SPIN1: variants seen among roughly 807,000 people sequenced by gnomAD.
SPIN1 encodes the protein spindlin 1.
Under a neutral mutation model 26.0 loss-of-function variants are expected in SPIN1, and 3 were observed. The observed-to-expected ratio is 0.12, with a 90% CI of 0.05 to 0.30. SPIN1 has a LOEUF of 0.30. Among genes scored for constraint, SPIN1 ranks in the 10% least tolerant of loss-of-function variants. The pLI is 1.00. For synonymous variants in SPIN1, 101 were observed against 116.5 expected, an observed-to-expected ratio of 0.87 and a Z score of 0.86; for missense variants, 126 against 333.4, an observed-to-expected ratio of 0.38 and a Z score of 4.84.
intron 2 of SPIN1, among the ~76,000 whole-genome samples, chr9:88,443,316 G>A (rs1828179066): frequency 6.6e-6 from 1 of 152,048 alleles, no homozygotes; most frequent in Non-Finnish European, 1.5e-5. Flanking sequence ...AAACTCAGAG[G>A]TTCTTTGGTT....
chr9:88,445,739 A>C (rs1444618943), intron 2 of SPIN1, among the ~76,000 whole-genome samples: 1 of 150,962 alleles, frequency 6.6e-6, no homozygotes, highest in Non-Finnish European at 1.5e-5. Flanking sequence ...ATGTTTCACC[A>C]TGTTGGCCAG....
chr9:88,426,107 G>T (rs962459790), intron 1 of SPIN1, among the ~76,000 whole-genome samples: 5 of 152,166 alleles, frequency 3.3e-5, no homozygotes, highest in African/African-American at 1.2e-4. Context: ...ATGTCAGACA[G>T]CAGCTGTATT....
At chr9:88,441,439 G>A (rs1828126980) in intron 2 of SPIN1, among the ~76,000 whole-genome samples, 1 of 147,462 alleles carries the variant, frequency 6.8e-6, no homozygotes, top group South Asian at 2.2e-4. Flanking sequence ...CCATGTGTGT[G>A]TACATACATT....
chr9:88,423,342 C>A (rs1055848396), intron 1 of SPIN1, among the ~76,000 whole-genome samples: 3 of 151,944 alleles, frequency 2.0e-5, no homozygotes, highest in Non-Finnish European at 4.4e-5. Flanking sequence ...TTTTCTTGAT[C>A]TTTGAAGTCA....
intron 2 of SPIN1, among the ~76,000 whole-genome samples, chr9:88,435,537 G>A (rs969115704): frequency 3.9e-5 from 6 of 152,140 alleles, no homozygotes; most frequent in Non-Finnish European, 7.4e-5. Flanking sequence ...GACATATGTT[G>A]TCAAATATGT....
chr9:88,404,485 A>G (rs1019497996), intron 1 of SPIN1, among the ~76,000 whole-genome samples: 4 of 152,058 alleles, frequency 2.6e-5, no homozygotes, highest in Admixed American at 6.6e-5. Flanking sequence ...AAATTTCTTG[A>G]CTCTTATAGT....
chr9:88,388,958 G>A (rs1307468630), intron 1 of SPIN1, among the ~76,000 whole-genome samples: 2 of 150,220 alleles, frequency 1.3e-5, no homozygotes, highest in Non-Finnish European at 3.0e-5. Context: ...GCGCCAGAAT[G>A]CAGGCGGGGA....
At chr9:88,431,264 T>G (rs1252607115) in intron 2 of SPIN1, among the ~76,000 whole-genome samples, 3 of 151,834 alleles carry the variant, frequency 2.0e-5, no homozygotes, top group African/African-American at 7.3e-5. Flanking sequence ...TACTCAAATT[T>G]AACAAATATT....
chr9:88,462,741 A>G lies in SPIN1; in HGVS notation c.347A>G (p.Asp116Gly), dbSNP rs1261892597. ...GTTTCTGCGCTTGAAGTCCTCCCTG[A>G]TAGAGTTGGTAAGTTCTTTTTATAA... ...ERVSALEVLP[D>G]RVATSRISDA... The change falls in exon 4 of 6, where the codon GAT (aspartate) becomes GGT (glycine). Residue 116 changes from aspartate to glycine, a missense_variant. Physicochemically the swap from Asp to Gly is moderately conservative, Grantham distance 94 (BLOSUM62 -1). Around this residue, in one of 7 missense-constraint regions of SPIN1, gnomAD observed 23 missense variants for 43.0 expected, o/e 0.54. Transcript: ENST00000375859. The G allele has an allele frequency of 6.2e-7, 1 of 1,609,138 alleles. No homozygotes were observed. The highest frequency in any genetic ancestry group is 1.1e-5 in the South Asian group (1 of 90,276).
chr9:88,434,037 G>A (rs1017678865), intron 2 of SPIN1, among the ~76,000 whole-genome samples: 6 of 152,092 alleles, frequency 3.9e-5, no homozygotes, highest in African/African-American at 1.2e-4. Flanking sequence ...CTCAAGGGGA[G>A]GAGTGAGTCA....
Position 88,473,128 on chromosome 9 carries a change from C to T in SPIN1, c.590-1950C>T, listed in dbSNP as rs1030790906. On this transcript the variant is annotated intron_variant, in intron 5 of 5. Coordinates refer to ENST00000375859, the MANE Select transcript of SPIN1 (RefSeq NM_006717.3). ...AATTTTTGGGCTGGGCATGGTGGCT[C>T]ACGCCTGTAATCCCAGCACTTTGGG... is the stretch of plus-strand genomic sequence containing the variant. 1.3e-5 allele frequency among the ~76,000 whole-genome samples: 2 copies of T among 152,106 alleles called. 1 individual carries two copies. Among genetic ancestry groups the T allele is most frequent in the African/African-American group, 4.8e-5 (2 of 41,404 alleles).
At chr9:88,406,624 G>A (rs912711672) in intron 1 of SPIN1, among the ~76,000 whole-genome samples, 1 of 152,120 alleles carries the variant, frequency 6.6e-6, no homozygotes, top group African/African-American at 2.4e-5. Context: ...AATCTTGTGT[G>A]TTTCTTATGA....
intron 3 of SPIN1, among the ~76,000 whole-genome samples, chr9:88,459,510 CTT>C (rs955457640): frequency 1.3e-5 from 2 of 152,012 alleles, no homozygotes; most frequent in African/African-American, 4.8e-5. Flanking sequence ...TTGTCATCTC[CTT>C]TCTCTCTACA....
intron 1 of SPIN1, among the ~76,000 whole-genome samples, chr9:88,425,265 G>T (rs1436828947): frequency 2.0e-5 from 3 of 152,058 alleles, no homozygotes; most frequent in African/African-American, 7.2e-5. Context: ...AGGCTCTCAG[G>T]GAAAGGTGAG....
intron 2 of SPIN1, among the ~76,000 whole-genome samples, chr9:88,448,311 C>T (rs945018400): frequency 7.9e-5 from 12 of 151,982 alleles, no homozygotes; most frequent in African/African-American, 2.4e-4. Context: ...CCCAAAGTAT[C>T]GGGATTACAG....
chr9:88,448,842 C>T (rs1587806148), intron 2 of SPIN1, 99 bp from the exon 3 acceptor site: 2 of 1,068,040 alleles, frequency 1.9e-6, no homozygotes, highest in Non-Finnish European at 2.8e-6. Flanking sequence ...ATTTTCTTTT[C>T]ATATTCTGTA....
At chr9:88,438,563 A>G (rs948455235) in intron 2 of SPIN1, among the ~76,000 whole-genome samples, 3 of 152,120 alleles carry the variant, frequency 2.0e-5, no homozygotes, top group African/African-American at 4.8e-5. Flanking sequence ...CTATAGATCA[A>G]ATATATAGAT....
intron 2 of SPIN1, among the ~76,000 whole-genome samples, chr9:88,439,029 TC>T (rs1828065506): frequency 6.6e-6 from 1 of 152,092 alleles, no homozygotes. Flanking sequence ...AGGACCCACT[TC>T]CTGGCCCCTC....
intron 2 of SPIN1, among the ~76,000 whole-genome samples, chr9:88,444,237 T>C (rs900577705): frequency 2.7e-5 from 2 of 74,794 alleles, no homozygotes; most frequent in Non-Finnish European, 2.3e-5. Flanking sequence ...CTTGTTCCCA[T>C]TTTTTTTTTT....
Sources: gnomAD v4.1 joint callset for allele counts (sites outside exome capture counted in the v4.1 genomes callset) on GRCh38, gnomAD v4.1.1 for gene constraint, gnomAD v4.1.1 regional missense constraint, MANE v1.5 for transcripts, NCBI Gene and HGNC (gene_info 2026-07-23, HGNC 2026-07-21) for gene names.